The following HEATR4 variants were observed in gnomAD, a reference collection of about 807,000 sequenced individuals.
The protein encoded by HEATR4 is HEAT repeat-containing protein 4.
HEATR4 carries 95 observed loss-of-function variants against 108.8 expected under a neutral mutation model. The ratio of observed to expected loss-of-function variants is 0.87; its 90% confidence interval spans 0.74 to 1.04. The LOEUF is 1.04. Among genes scored for constraint, HEATR4 ranks in the 50% least tolerant of loss-of-function variants. The pLI, the probability that HEATR4 is intolerant of heterozygous loss-of-function variation, is 0.00. For synonymous variants in HEATR4, 443 were observed against 459.4 expected (o/e 0.96, Z 0.46); for missense variants, 1,152 against 1,253.8 (o/e 0.92, Z 1.23).
At chr14:73,619,665 A>T in the HEATR4 span, 7 of 1,614,062 alleles carry the variant, frequency 4.3e-6, no homozygotes, top group Admixed American at 1.2e-4. Flanking sequence ...GTATTGACCC[A>T]CCTTATTTTC....
chr14:73,586,318 C>G, the HEATR4 span, among the ~76,000 whole-genome samples: 1 of 150,210 alleles, frequency 6.7e-6, no homozygotes, highest in Non-Finnish European at 1.5e-5. Context: ...CACTTGAACC[C>G]CGGAGGCAGA....
the HEATR4 span, chr14:73,569,757 G>A: frequency 2.1e-5 from 33 of 1,608,898 alleles, 1 homozygote; most frequent in Non-Finnish European, 2.8e-5. Context: ...GGTGCTGGAT[G>A]GCCACGACCC....
chr14:73,595,423 T>C, the HEATR4 span: 1 of 1,614,166 alleles, frequency 6.2e-7, no homozygotes. Flanking sequence ...TACAGGCCCA[T>C]GGAAAGGAAA....
At chr14:73,517,665 C>CAAA (rs34441032) in intron 5 of HEATR4, among the ~76,000 whole-genome samples, 2 of 59,330 alleles carry the variant, frequency 3.4e-5, no homozygotes, top group African/African-American at 7.1e-5. Context: ...GAGACCCTGT[C>CAAA]AAAAAAAAAA....
chr14:73,528,638 G>A lies in HEATR4; in HGVS notation c.-73+1528C>T, dbSNP rs985287629. Among the ~76,000 whole-genome samples, 18 of 152,248 alleles carry A rather than the reference G, an allele frequency of 1.2e-4. 1 individual carries two copies. Among genetic ancestry groups the A allele is most frequent in the African/African-American group, 3.1e-4 (13 of 41,550 alleles). On this transcript the variant is annotated intron_variant, in intron 2 of 17. Transcript: ENST00000553558. ...ACCTTGGGCAAATAATTTAAAATCT[G>A]TAGTTTCCCAATCTGAAAATTGAGT...
At chr14:73,569,315 T>C in the HEATR4 span, 1 of 1,613,964 alleles carries the variant, frequency 6.2e-7, no homozygotes, top group Non-Finnish European at 8.5e-7. Context: ...CCTCATCTCC[T>C]GCTGTCCTTC....
At chr14:73,588,656 C>G in the HEATR4 span, among the ~76,000 whole-genome samples, 1 of 152,134 alleles carries the variant, frequency 6.6e-6, no homozygotes, top group Non-Finnish European at 1.5e-5. Flanking sequence ...ACACTGACAG[C>G]CACCTTATGA....
the HEATR4 span, among the ~76,000 whole-genome samples, chr14:73,614,026 C>CAAAAAAAAA: frequency 1.1e-5 from 1 of 92,964 alleles, no homozygotes; most frequent in African/African-American, 4.1e-5. Flanking sequence ...TCTGTCTCTA[C>CAAAAAAAAA]AAAAAAAAAA....
the HEATR4 span, among the ~76,000 whole-genome samples, chr14:73,589,469 AT>A: frequency 2.2e-4 from 33 of 152,048 alleles, no homozygotes; most frequent in Non-Finnish European, 4.1e-4. Flanking sequence ...ACAGGTGCAC[AT>A]CACCATGCCC....
In HEATR4 at chr14:73,519,350, T is replaced by C. The variant is rs3813561; in HGVS notation, c.1070-187A>G. ...TGCTTAGAAATATCACAGTGATAAATCACTATAGTGTCTGTGGGGGAAAAA... is the reference window on the plus strand; with the variant it reads ...TGCTTAGAAATATCACAGTGATAAACCACTATAGTGTCTGTGGGGGAAAAA... On this transcript the variant is annotated intron_variant, in intron 4 of 17. Coordinates refer to ENST00000553558, the MANE Select transcript of HEATR4 (RefSeq NM_001220484.1). 1.5e-4 allele frequency among the ~76,000 whole-genome samples: 23 copies of C among 152,006 alleles called. No individual in the cohort carries two copies. The East Asian group carries it at 4.4e-3, about 29-fold the overall frequency.
At chr14:73,569,934 T>C in the HEATR4 span, 1 of 1,557,386 alleles carries the variant, frequency 6.4e-7, no homozygotes, top group Non-Finnish European at 8.7e-7. Context: ...TCACTTTGTG[T>C]GTCTCCCCCG....
chr14:73,615,440 A>G, the HEATR4 span, among the ~76,000 whole-genome samples: 1 of 150,608 alleles, frequency 6.6e-6, no homozygotes, highest in African/African-American at 2.4e-5. Flanking sequence ...ACAACGAAAA[A>G]AAAAACAAGA....
upstream of HEATR4, among the ~76,000 whole-genome samples, chr14:73,560,247 C>T (rs1889499919): frequency 1.3e-5 from 2 of 152,088 alleles, no homozygotes; most frequent in African/African-American, 4.8e-5. Context: ...TGGTCCATCT[C>T]TTGGTTCCAA....
chr14:73,537,248 A>G lies in HEATR4; in HGVS notation c.-151-7004T>C, dbSNP rs1230637332. 5.6e-6 allele frequency: 3 copies of G among 533,512 alleles called. 1 individual carries two copies. Among genetic ancestry groups the G allele is most frequent in the South Asian group, 4.8e-5 (2 of 41,826 alleles). The allele number at this position is 533,512 out of a possible 1,614,324, so 33.0% of individuals were successfully genotyped here. ...ACTTTAAGCAAGTTCCAGTGTGTCT[A>G]TATTTGGTCTGGCTGATCGGCTGGA... On this transcript the variant is annotated intron_variant, in intron 1 of 17. Coordinates refer to ENST00000553558, the MANE Select transcript of HEATR4 (RefSeq NM_001220484.1).
intron 1 of HEATR4, among the ~76,000 whole-genome samples, chr14:73,531,900 C>T (rs1349682266): frequency 2.6e-5 from 3 of 113,682 alleles, no homozygotes; most frequent in Admixed American, 9.9e-5. Context: ...GGCCTGGTGG[C>T]GCATGCCTGT....
rs1258992066 is a variant in HEATR4 at position 73,546,023 on chromosome 14, C to T, written c.-152+12728G>A. Among the ~76,000 whole-genome samples the T allele has an allele frequency of 5.3e-5, 6 of 114,064 alleles. 3 individuals are homozygous for T. The highest frequency in any genetic ancestry group is 7.6e-5 in the Non-Finnish European group (4 of 52,540). The allele number at this position is 114,064 out of a possible 152,430, so 74.8% of individuals were successfully genotyped here. On this transcript the variant is annotated intron_variant, in intron 1 of 17. Coordinates refer to ENST00000553558, the MANE Select transcript of HEATR4 (RefSeq NM_001220484.1). ...TTTTGAGACAGTCTCGCTCTGTTGCCCAGGCTAGAGTACAATGGCTTGATC... is the reference window on the plus strand; with the variant it reads ...TTTTGAGACAGTCTCGCTCTGTTGCTCAGGCTAGAGTACAATGGCTTGATC...
At chr14:73,491,216 A>T in intron 17 of HEATR4, 1 of 1,590,526 alleles carries the variant, frequency 6.3e-7, no homozygotes, top group Non-Finnish European at 8.6e-7. Context: ...GGAGGAATCG[A>T]GGGTGGAGTC....
rs1234811444 is a variant in HEATR4 at position 73,541,826 on chromosome 14, C to G, written c.-151-11582G>C. 7 of 625,582 alleles carry G rather than the reference C, an allele frequency of 1.1e-5. 2 individuals carry two copies. Among genetic ancestry groups the G allele is most frequent in the Non-Finnish European group, 1.8e-5 (7 of 399,258 alleles). The allele number at this position is 625,582 out of a possible 1,614,324, so 38.8% of individuals were successfully genotyped here. A position where few individuals can be genotyped will look rare whatever the true frequency, so the allele number is the denominator to read the frequency against. ...CAACACACACTACCTTTTTTAGTCACTTCTTATAGACAGTTTCTTTCTTTC... is the reference window on the plus strand; with the variant it reads ...CAACACACACTACCTTTTTTAGTCAGTTCTTATAGACAGTTTCTTTCTTTC... On this transcript the variant is annotated intron_variant, in intron 1 of 17. Transcript: ENST00000553558.
At chr14:73,627,255 A>G in the HEATR4 span, among the ~76,000 whole-genome samples, 2 of 151,930 alleles carry the variant, frequency 1.3e-5, no homozygotes, top group Non-Finnish European at 2.9e-5. Context: ...TCTGTGACCA[A>G]ATGTGGGAGG....
Sources: allele counts gnomAD v4.1 joint callset (sites outside exome capture counted in the v4.1 genomes callset), GRCh38; gene constraint gnomAD v4.1.1; transcripts MANE v1.5; gene names NCBI Gene and HGNC (gene_info 2026-07-23, HGNC 2026-07-21).